ADGRD1: variants seen among roughly 807,000 people sequenced by gnomAD.
ADGRD1 encodes the protein G-protein coupled receptor 133.
Under a neutral mutation model 113.4 loss-of-function variants are expected in ADGRD1, and 77 were observed. The ratio of observed to expected loss-of-function variants is 0.68; its 90% confidence interval spans 0.57 to 0.82. The LOEUF (loss-of-function observed/expected upper bound fraction) is 0.82. Ranked by LOEUF, ADGRD1 falls within the 40% of genes least tolerant of loss-of-function variation. ADGRD1 has a pLI of 0.00. For synonymous variants in ADGRD1, 474 were observed against 475.0 expected (o/e 1.00, Z 0.03); for missense variants, 1,036 against 1,139.1 (o/e 0.91, Z 1.30).
chr12:131,023,562 A>G (rs534913674), intron 13 of ADGRD1: 60 of 152,256 alleles, frequency 3.9e-4, no homozygotes, highest in African/African-American at 1.4e-3. Flanking sequence ...AGGGTGGTAT[A>G]CCATAGAAAC....
intron 13 of ADGRD1, among the ~76,000 whole-genome samples, chr12:131,028,807 C>T (rs929719898): frequency 6.6e-6 from 1 of 152,242 alleles, no homozygotes; most frequent in Non-Finnish European, 1.5e-5. Context: ...GGTACGATTG[C>T]AACTGCCACG....
chr12:131,048,257 G>T (rs1883038222), intron 13 of ADGRD1, among the ~76,000 whole-genome samples: 1 of 152,236 alleles, frequency 6.6e-6, no homozygotes, highest in South Asian at 2.1e-4. Context: ...GAATCCAGCA[G>T]CGGACGGCAC....
At chr12:131,101,377 CTTTTTTTTT>C (rs71095334) in intron 15 of ADGRD1, among the ~76,000 whole-genome samples, 13 of 36,148 alleles carry the variant, frequency 3.6e-4, no homozygotes, top group African/African-American at 8.3e-4. Context: ...TTCTTTCTTT[CTTTTTTTTT>C]TTTTTTTTTT....
intron 23 of ADGRD1, chr12:131,137,833 T>TCCCCCC: frequency 3.9e-5 from 1 of 25,964 alleles, no homozygotes; most frequent in Non-Finnish European, 7.7e-5. Context: ...CCCGCCTGCC[T>TCCCCCC]GCCCACCACG....
At chr12:131,135,478 T>G (rs1951051314) in intron 21 of ADGRD1, among the ~76,000 whole-genome samples, 1 of 152,116 alleles carries the variant, frequency 6.6e-6, no homozygotes, top group Non-Finnish European at 1.5e-5. Context: ...AGATGACCAC[T>G]TGGCCCTGCC....
At chr12:131,023,156 C>T (rs918205430) in intron 13 of ADGRD1, 3 of 152,070 alleles carry the variant, frequency 2.0e-5, no homozygotes, top group African/African-American at 7.2e-5. Context: ...TTGTTCCCAC[C>T]CTCTCTGCTT....
At chr12:131,088,517 G>A (rs1490517012) in intron 15 of ADGRD1, among the ~76,000 whole-genome samples, 2 of 152,204 alleles carry the variant, frequency 1.3e-5, no homozygotes, top group Non-Finnish European at 2.9e-5. Flanking sequence ...TACATCTCAG[G>A]GTGGAGAGGA....
chr12:131,108,621 C>T, intron 17 of ADGRD1, 103 bp from the exon 18 acceptor site: 3 of 1,523,796 alleles, frequency 2.0e-6, no homozygotes, highest in Non-Finnish European at 2.7e-6. Flanking sequence ...GGTCACATGA[C>T]CAAAAGACCA....
rs181837106 is a variant in ADGRD1 at position 130,965,533 on chromosome 12, A to G, written c.104-930A>G. 1.3e-3 allele frequency among the ~76,000 whole-genome samples: 197 copies of G among 152,248 alleles called. No homozygotes were observed. The highest frequency in any genetic ancestry group is 4.5e-3 in the African/African-American group (189 of 41,558). ...GAATCCCAGAGGACTAATCCCCGAG[A>G]AGACTAAAATTGTATGCATAAAGCC... On this transcript the variant is annotated intron_variant, in intron 2 of 24. Transcript: ENST00000261654. The surrounding 1 kb of genome is among the most constrained non-coding windows in gnomAD (Gnocchi z 4.8).
chr12:131,083,670 A>G (rs1886237589), intron 14 of ADGRD1, among the ~76,000 whole-genome samples: 1 of 152,220 alleles, frequency 6.6e-6, no homozygotes, highest in Admixed American at 6.5e-5. Flanking sequence ...GATATTCACC[A>G]ATATTCACAC....
chr12:131,139,352 T>C lies in ADGRD1; in HGVS notation c.*89T>C, dbSNP rs1029673194. 1 of 867,196 alleles carries C rather than the reference T, an allele frequency of 1.2e-6. No homozygotes were observed. Among genetic ancestry groups the C allele is most frequent in the South Asian group, 1.5e-5 (1 of 67,080 alleles). The allele number at this position is 867,196 out of a possible 1,614,324, so 53.7% of individuals were successfully genotyped here. On this transcript the variant is annotated 3_prime_UTR_variant, in exon 25 of 25. Coordinates refer to ENST00000261654, the MANE Select transcript of ADGRD1 (RefSeq NM_198827.5). ...GCCCCACCTTTGCCCATGGACCCTC[T>C]CCTTGCTGCTGTCTGGACATGGGTG...
intron 13 of ADGRD1, among the ~76,000 whole-genome samples, chr12:131,067,190 G>A (rs1884790029): frequency 6.6e-6 from 1 of 152,174 alleles, no homozygotes; most frequent in African/African-American, 2.4e-5. Flanking sequence ...CTGGGAGTGA[G>A]GTCAGGAGGG....
chr12:131,084,863 G>C lies in ADGRD1; in HGVS notation c.1671+200G>C. Among the ~76,000 whole-genome samples the C allele has an allele frequency of 6.6e-6, 1 of 152,288 alleles. No individual in the cohort carries two copies. The highest frequency in any genetic ancestry group is 1.9e-4 in the East Asian group (1 of 5,172). On this transcript the variant is annotated intron_variant, in intron 15 of 24. Coordinates refer to ENST00000261654, the MANE Select transcript of ADGRD1 (RefSeq NM_198827.5). The surrounding 1 kb of genome is among the most constrained non-coding windows in gnomAD (Gnocchi z 4.5). ...ATGTATTGGGTGCCAGCAAATATCC[G>C]AGGAGCCCATGATTGTGTAAATCGA...
chr12:131,046,861 C>T (rs1376833933), intron 13 of ADGRD1, among the ~76,000 whole-genome samples: 2 of 140,918 alleles, frequency 1.4e-5, no homozygotes, highest in African/African-American at 2.7e-5. Context: ...CCTCCCTGGT[C>T]AGTGTCCTCC....
chr12:131,013,648 G>A (rs1878202331), intron 12 of ADGRD1, among the ~76,000 whole-genome samples: 1 of 152,196 alleles, frequency 6.6e-6, no homozygotes, highest in African/African-American at 2.4e-5. Context: ...GAGCGGGGAA[G>A]GGGATGGCCA....
In ADGRD1 at chr12:131,108,853, C is replaced by G. The variant is rs542584897; in HGVS notation, c.2017C>G (p.Arg673Gly). The change falls in exon 18 of 25, where the codon CGT (arginine) becomes GGT (glycine). Residue 673 changes from arginine to glycine, a missense_variant. Coordinates refer to ENST00000261654, the MANE Select transcript of ADGRD1 (RefSeq NM_198827.5). The part of the protein sequence containing the change: ...KVFGSEDSKH[R>G]YYYGMGWGFP... ...CTTTGGGTCGGAGGACAGCAAGCAC[C>G]GTTACTACTATGGGATGGGATGGGG... 7 of 1,491,392 alleles carry G rather than the reference C, an allele frequency of 4.7e-6. No homozygotes were observed. Among genetic ancestry groups the G allele is most frequent in the Non-Finnish European group, 6.3e-6 (7 of 1,105,130 alleles). The allele number at this position is 1,491,392 out of a possible 1,614,324, so 92.4% of individuals were successfully genotyped here.
chr12:131,134,614 G>A (rs954208856), intron 21 of ADGRD1, among the ~76,000 whole-genome samples: 1 of 152,250 alleles, frequency 6.6e-6, no homozygotes, highest in African/African-American at 2.4e-5. Flanking sequence ...GCTGGCTGCG[G>A]CTTCTCTGAG....
Position 131,003,911 on chromosome 12 carries a change from C to T in ADGRD1, c.1145-275C>T, listed in dbSNP as rs1032840420. Among the ~76,000 whole-genome samples, 20 of 152,078 alleles carry T rather than the reference C, an allele frequency of 1.3e-4. No individual in the cohort carries two copies. The highest frequency in any genetic ancestry group is 4.6e-4 in the African/African-American group (19 of 41,412). On this transcript the variant is annotated intron_variant, in intron 10 of 24. Coordinates refer to ENST00000261654, the MANE Select transcript of ADGRD1 (RefSeq NM_198827.5). The surrounding 1 kb of genome is among the most constrained non-coding windows in gnomAD (Gnocchi z 4.8). ...CCCATCCTTGCACCGGCCTTGAGAG[C>T]TGGGGGCTGTGCTGGGGCGGAGGGC...
chr12:131,002,410 C>T, intron 9 of ADGRD1: 4 of 620,500 alleles, frequency 6.4e-6, no homozygotes, highest in Non-Finnish European at 6.0e-6. Flanking sequence ...AAATTGGCCT[C>T]AGCATTCTAT....
Sources: gnomAD v4.1 joint callset for allele counts (sites outside exome capture counted in the v4.1 genomes callset) on GRCh38, gnomAD v4.1.1 for gene constraint, Gnocchi (gnomAD v3.1) non-coding constraint, MANE v1.5 for transcripts, NCBI Gene and HGNC (gene_info 2026-07-23, HGNC 2026-07-21) for gene names.